Variants in ATP10B observed in about 807,000 individuals in gnomAD.
ATP10B encodes the protein ATPase phospholipid transporting 10B (putative), also known as phospholipid-transporting ATPase VB.
In ATP10B, 122 loss-of-function variants were observed where a neutral mutation model predicts 141.2. The observed-to-expected ratio is 0.86, with a 90% CI of 0.75 to 1.00. ATP10B has a LOEUF of 1.00. Among genes scored for constraint, ATP10B ranks in the 50% least tolerant of loss-of-function variants. The probability of loss-of-function intolerance (pLI) is 0.00; values close to 1 mark genes in which losing one functional copy is unlikely to be tolerated. For missense variants in ATP10B, 1,876 were observed against 1,825.3 expected, an observed-to-expected ratio of 1.03 and a Z score of -0.51; for synonymous variants, 685 against 692.0, an observed-to-expected ratio of 0.99 and a Z score of 0.16.
At chr5:160,925,459 C>T in the ATP10B span, among the ~76,000 whole-genome samples, 1 of 152,202 alleles carries the variant, frequency 6.6e-6, no homozygotes, top group Non-Finnish European at 1.5e-5. Context: ...GAAAATTGCC[C>T]AAGGTCACAC....
chr5:160,594,610 C>T (rs1756549966), intron 22 of ATP10B, among the ~76,000 whole-genome samples: 1 of 151,436 alleles, frequency 6.6e-6, no homozygotes, highest in Non-Finnish European at 1.5e-5. Flanking sequence ...GATAAAGAGT[C>T]AAGACCCATC....
chr5:160,594,222 G>A (rs1756522388), intron 22 of ATP10B, among the ~76,000 whole-genome samples: 1 of 152,184 alleles, frequency 6.6e-6, no homozygotes, highest in African/African-American at 2.4e-5. Flanking sequence ...GAAGAGAGTG[G>A]GGGCCAATAT....
At chr5:160,852,544 A>G (rs1027091397), upstream of ATP10B, among the ~76,000 whole-genome samples, 1 of 152,158 alleles carries the variant, frequency 6.6e-6, no homozygotes, top group African/African-American at 2.4e-5. Flanking sequence ...AGTGACTTTT[A>G]TATGCATGCT....
the ATP10B span, among the ~76,000 whole-genome samples, chr5:160,872,760 C>T: frequency 6.6e-6 from 1 of 152,144 alleles, no homozygotes; most frequent in African/African-American, 2.4e-5. Context: ...CAGTATTATG[C>T]TGTTTTGGTG....
At chr5:160,886,998 G>A in the ATP10B span, among the ~76,000 whole-genome samples, 1 of 152,174 alleles carries the variant, frequency 6.6e-6, no homozygotes, top group Non-Finnish European at 1.5e-5. Context: ...ATGAGAGAAG[G>A]CTCTGTTTCA....
At position 160,687,928 on chromosome 5, in the gene ATP10B, G is replaced by A. The variant is rs905484885; in HGVS notation, c.147C>T (p.Phe49=). 6.2e-7 allele frequency: 1 copy of A among 1,614,078 alleles called. No individual in the cohort carries two copies. The highest frequency in any genetic ancestry group is 1.3e-5 in the African/African-American group (1 of 75,002). The change falls in exon 5 of 26, where the codon TTC becomes TTT. Residue 49 remains phenylalanine, a synonymous_variant. Transcript: ENST00000327245. ...SYNLTQQRVV[F]PNNSIFHQDW... Reference sequence around the variant, plus strand: ...CTTGATGGAATATGCTGTTGTTGGGGAACACGACCCGCTGCTGTGTCAAGT... The same window carrying A: ...CTTGATGGAATATGCTGTTGTTGGGAAACACGACCCGCTGCTGTGTCAAGT...
rs961847740 is a variant in ATP10B at position 160,724,252 on chromosome 5, T to C, written c.-330-7218A>G. 8.2e-5 allele frequency among the ~76,000 whole-genome samples: 5 copies of C among 61,198 alleles called. No homozygotes were observed. In the South Asian group the frequency reaches 3.3e-3, roughly 40 times the overall value. The allele number at this position is 61,198 out of a possible 152,430, so 40.1% of individuals were successfully genotyped here. A position where few individuals can be genotyped will look rare whatever the true frequency, so the allele number is the denominator to read the frequency against. The stretch of plus-strand genomic sequence containing the variant: ...AGTTTACCTGAGAAGCTATAATTCC[T>C]TTTTTTTTTTTTTTTTTTTTTTAGA... On this transcript the variant is annotated intron_variant, in intron 2 of 25. Transcript: ENST00000327245.
chr5:160,871,553 T>C, the ATP10B span, among the ~76,000 whole-genome samples: 5 of 152,134 alleles, frequency 3.3e-5, no homozygotes, highest in African/African-American at 1.2e-4. Flanking sequence ...CCAAAGTCCA[T>C]TGCATCATTC....
Position 160,688,809 on chromosome 5 carries a change from G to A in ATP10B, c.-70C>T. 1.0e-6 allele frequency: 1 copy of A among 985,438 alleles called. No individual in the cohort carries two copies. Among genetic ancestry groups the A allele is most frequent in the Non-Finnish European group, 1.2e-6 (1 of 829,934 alleles). The allele number at this position is 985,438 out of a possible 1,614,324, so 61.0% of individuals were successfully genotyped here. A position where few individuals can be genotyped will look rare whatever the true frequency, so the allele number is the denominator to read the frequency against. On this transcript the variant is annotated 5_prime_UTR_variant, in exon 4 of 26. Transcript: ENST00000327245. ...GTGATAAGTAGAATAGATGGGAGAG[G>A]TTCTTTCCTAGGAAATTTGTCCATG...
Position 160,569,611 on chromosome 5 carries a change from T to A in ATP10B, c.3823A>T (p.Thr1275Ser). ...GTGGGGCTGTTGCAGATGACGCAGG[T>A]GGCATTGTACAGGAGGGATACCAGA... The part of the protein sequence containing the change: ...YFLVSLLYNA[T>S]CVICNSPTNP... The change falls in exon 25 of 26, where the codon ACC becomes TCC. Residue 1275 changes from threonine (T) to serine (S), a missense_variant. Transcript: ENST00000327245. 1 of 1,613,640 alleles carries A rather than the reference T, an allele frequency of 6.2e-7. No individual in the cohort carries two copies. Among genetic ancestry groups the A allele is most frequent in the Non-Finnish European group, 8.5e-7 (1 of 1,179,794 alleles).
In ATP10B at chr5:160,725,990, G is replaced by C. The variant is rs186269144; in HGVS notation, c.-330-8956C>G. ...GAGTTGGAGAAGGCATTTTTGGAGAGAATAAACATGGAAGGCTAATCTCAA... is the reference window on the plus strand; with the variant it reads ...GAGTTGGAGAAGGCATTTTTGGAGACAATAAACATGGAAGGCTAATCTCAA... On this transcript the variant is annotated intron_variant, in intron 2 of 25. Transcript: ENST00000327245. Among the ~76,000 whole-genome samples, 11 of 152,188 alleles carry C rather than the reference G, an allele frequency of 7.2e-5. No individual in the cohort carries two copies. In the East Asian group the frequency reaches 1.7e-3, roughly 24 times the overall value.
chr5:160,832,950 C>T (rs577620052), intron 1 of ATP10B, among the ~76,000 whole-genome samples: 2 of 150,400 alleles, frequency 1.3e-5, no homozygotes, highest in East Asian at 1.9e-4. Flanking sequence ...TGCAGTCACT[C>T]GTCACTCTCC....
intron 7 of ATP10B, among the ~76,000 whole-genome samples, chr5:160,652,977 T>TA (rs1760983919): frequency 2.1e-5 from 2 of 97,334 alleles, no homozygotes; most frequent in Non-Finnish European, 3.6e-5. Context: ...ATATATAATA[T>TA]ATACATACAT....
intron 18 of ATP10B, among the ~76,000 whole-genome samples, chr5:160,608,233 T>C (rs1273076855): frequency 6.6e-6 from 1 of 152,224 alleles, no homozygotes; most frequent in African/African-American, 2.4e-5. Flanking sequence ...TCCAGCTTCA[T>C]CCATGTCGCT....
chr5:160,663,672 GAGATATACCT>G (rs749603651), intron 7 of ATP10B, among the ~76,000 whole-genome samples: 4 of 9,508 alleles, frequency 4.2e-4, no homozygotes, highest in East Asian at 6.0e-3. Flanking sequence ...ATAGCATTAG[GAGATATACCT>G]AATGCTAAAT....
chr5:160,598,637 TA>T, intron 22 of ATP10B, 132 bp downstream of exon 22: 1 of 801,092 alleles, frequency 1.2e-6, no homozygotes, highest in Non-Finnish European at 2.0e-6. Flanking sequence ...TTACTCAAAG[TA>T]AATGATGGAA....
At chr5:160,838,866 T>G (rs1377778714) in intron 1 of ATP10B, among the ~76,000 whole-genome samples, 1 of 152,164 alleles carries the variant, frequency 6.6e-6, no homozygotes, top group Non-Finnish European at 1.5e-5. Flanking sequence ...GGTGGATCCC[T>G]CATGAGTGGT....
chr5:160,602,292 G>A (rs1446223974), intron 21 of ATP10B, among the ~76,000 whole-genome samples: 1 of 152,090 alleles, frequency 6.6e-6, no homozygotes, highest in Admixed American at 6.6e-5. Context: ...TAAACCCAAC[G>A]TGTCTGACTC....
intron 1 of ATP10B, among the ~76,000 whole-genome samples, chr5:160,835,967 C>T (rs553458573): frequency 6.6e-6 from 1 of 152,142 alleles, no homozygotes; most frequent in South Asian, 2.1e-4. Flanking sequence ...GAATGAAAAC[C>T]ATTTCAAAAG....
Sources: allele counts gnomAD v4.1 joint callset (sites outside exome capture counted in the v4.1 genomes callset), GRCh38; gene constraint gnomAD v4.1.1; transcripts MANE v1.5; gene names NCBI Gene and HGNC (gene_info 2026-07-23, HGNC 2026-07-21).